Variants in CPSF3 observed in about 807,000 individuals in gnomAD.
CPSF3 encodes the protein cleavage and polyadenylation specificity factor subunit 3.
CPSF3 carries 57 observed loss-of-function variants against 84.1 expected under a neutral mutation model. The ratio of observed to expected loss-of-function variants is 0.68; its 90% confidence interval spans 0.55 to 0.85. CPSF3 has a LOEUF of 0.85. Ranked by LOEUF, CPSF3 falls within the 40% of genes least tolerant of loss-of-function variation. CPSF3 has a pLI of 0.00. For missense variants in CPSF3, 522 were observed against 838.8 expected (o/e 0.62, Z 4.66); for synonymous variants, 275 against 278.1 (o/e 0.99, Z 0.11).
At chr2:9,457,150 T>TGC (rs1265508405) in intron 14 of CPSF3, 123 bp downstream of exon 14, 2 of 228,112 alleles carry the variant, frequency 8.8e-6, no homozygotes, top group Admixed American at 1.4e-4. Context: ...AAAGTATATG[T>TGC]GTGTGTGTGT....
chr2:9,449,205 C>T (rs1681231838), intron 11 of CPSF3, among the ~76,000 whole-genome samples: 1 of 151,632 alleles, frequency 6.6e-6, no homozygotes, highest in Non-Finnish European at 1.5e-5. Flanking sequence ...ATGGTAAAAC[C>T]CCGGCTCTAC....
chr2:9,457,454 T>C (rs1681572099), intron 14 of CPSF3, among the ~76,000 whole-genome samples: 1 of 152,074 alleles, frequency 6.6e-6, no homozygotes, highest in South Asian at 2.1e-4. Flanking sequence ...ATTTTGAAGA[T>C]TCAAATAAAC....
chr2:9,467,487 GA>G (rs1036272443), intron 15 of CPSF3, among the ~76,000 whole-genome samples: 23 of 152,174 alleles, frequency 1.5e-4, no homozygotes, highest in African/African-American at 5.5e-4. Flanking sequence ...AGATGTAATA[GA>G]AAATTTTTTT....
chr2:9,423,787 C>T lies in CPSF3; in HGVS notation c.14C>T (p.Pro5Leu). MSAIPAEESDQLLIR... is the reference protein window; with the variant it reads MSAILAEESDQLLIR... ...CACACTTTCGGGATGTCTGCGATTC[C>T]TGCTGAGGAGAGCGACCAGCTGCTG... The change falls in exon 1 of 18, where the codon CCT becomes CTT. Residue 5 changes from proline to leucine, a missense_variant. This residue lies in a region of CPSF3 where 329 missense variants were observed against 607.2 expected (regional missense o/e 0.54). Transcript: ENST00000238112. The T allele has an allele frequency of 6.2e-7, 1 of 1,613,808 alleles. No homozygotes were observed. Among genetic ancestry groups the T allele is most frequent in the Non-Finnish European group, 8.5e-7 (1 of 1,179,902 alleles).
chr2:9,464,581 T>C (rs1681838797), intron 15 of CPSF3, among the ~76,000 whole-genome samples: 1 of 151,910 alleles, frequency 6.6e-6, no homozygotes, highest in Admixed American at 6.6e-5. Context: ...TTTTAATATT[T>C]TTATTTTTAT....
At chr2:9,438,926 G>T (rs970384255) in intron 7 of CPSF3, among the ~76,000 whole-genome samples, 6 of 152,024 alleles carry the variant, frequency 3.9e-5, no homozygotes, top group Non-Finnish European at 7.4e-5. Flanking sequence ...CTATCATATG[G>T]CTAGAGCCAT....
In CPSF3 at chr2:9,459,565, A is replaced by T; in HGVS notation, c.1733A>T (p.Asp578Val). 6.2e-7 allele frequency: 1 copy of T among 1,610,116 alleles called. No homozygotes were observed. The highest frequency in any genetic ancestry group is 8.5e-7 in the Non-Finnish European group (1 of 1,177,678). Residue 578 changes from aspartate (D) to valine (V), a missense_variant, in exon 15 of 18, where the codon GAT (aspartate) becomes GTT (valine). By Grantham distance (152) the Asp-to-Val change is radical. Transcript: ENST00000238112. ...LANPSNDMYA[D>V]TVTTVILEVQ... is the part of the protein sequence containing the mutation. ...AACCCTTCTAATGATATGTATGCAGATACAGTAACAACTGTGATATTGGAA... is the reference window on the plus strand; with the variant it reads ...AACCCTTCTAATGATATGTATGCAGTTACAGTAACAACTGTGATATTGGAA...
chr2:9,445,044 G>A (rs1293779713), intron 10 of CPSF3, among the ~76,000 whole-genome samples: 1 of 152,088 alleles, frequency 6.6e-6, no homozygotes, highest in African/African-American at 2.4e-5. Context: ...ATTTTTAAGT[G>A]TACAAACCAG....
chr2:9,435,571 C>T (rs992508457), intron 6 of CPSF3, among the ~76,000 whole-genome samples: 36 of 150,222 alleles, frequency 2.4e-4, no homozygotes, highest in African/African-American at 7.4e-4. Context: ...ATAAGGCATG[C>T]GCCACCATGC....
intron 4 of CPSF3, among the ~76,000 whole-genome samples, chr2:9,431,186 A>T (rs1441343037): frequency 6.6e-6 from 1 of 152,130 alleles, no homozygotes; most frequent in East Asian, 1.9e-4. Context: ...CCTCCTGAGC[A>T]GCTGAGACTA....
chr2:9,456,920 GTCTT>G lies in CPSF3; in HGVS notation c.1604-6_1604-3del. 3 of 1,485,406 alleles carry G rather than the reference GTCTT, an allele frequency of 2.0e-6. No homozygotes were observed. Among genetic ancestry groups the G allele is most frequent in the African/African-American group, 1.4e-5 (1 of 71,476 alleles). The allele number at this position is 1,485,406 out of a possible 1,614,324, so 92.0% of individuals were successfully genotyped here. On this transcript the variant is annotated splice_polypyrimidine_tract_variant and intron_variant, in intron 13 of 17. Coordinates refer to ENST00000238112, the MANE Select transcript of CPSF3 (RefSeq NM_016207.4). ...AAAAGTATATACATCTTATAGTTAT[GTCTT>G]TCTTTCAGGTGATGTGGAAGAATTA...
chr2:9,441,724 A>T, intron 8 of CPSF3, 94 bp from the exon 9 acceptor site: 1 of 1,257,252 alleles, frequency 8.0e-7, no homozygotes. Context: ...TGATGTGATT[A>T]ATCTCTTAGC....
At chr2:9,443,395 G>C (rs1681019782) in intron 9 of CPSF3, 120 bp from the exon 10 acceptor site, 9 of 906,486 alleles carry the variant, frequency 9.9e-6, no homozygotes, top group Non-Finnish European at 1.5e-5. Context: ...ATATTAGAAT[G>C]ATTTTGTGCG....
intron 1 of CPSF3, 68 bp from the exon 2 acceptor site, chr2:9,428,697 G>C (rs767583296): frequency 4.6e-6 from 5 of 1,085,000 alleles, no homozygotes; most frequent in Non-Finnish European, 7.0e-6. Context: ...TTGTAAAAAA[G>C]TGTAAGTTTA....
In CPSF3 at chr2:9,430,870, GT is replaced by G; in HGVS notation, c.332del (p.Val111AlafsTer50). ...TTATAGATGGCTTCTTTCTGATTAT[GT>G]CAAAGTTAGGTAAATTACTTTATTA... ...AIYRWLLSDY[V>X]KVSNISADDM... On this transcript the variant is annotated frameshift_variant, in exon 4 of 18. Coordinates refer to ENST00000238112, the MANE Select transcript of CPSF3 (RefSeq NM_016207.4). LOFTEE classifies it high-confidence loss of function. 1 of 1,612,066 alleles carries G rather than the reference GT, an allele frequency of 6.2e-7. No homozygotes were observed.
chr2:9,461,767 TAAA>T (rs1558464017), intron 15 of CPSF3, among the ~76,000 whole-genome samples: 66 of 94,684 alleles, frequency 7.0e-4, no homozygotes, highest in African/African-American at 1.9e-3. Flanking sequence ...TTTTTTTTTT[TAAA>T]TTTATCTAGA....
chr2:9,436,174 A>G, intron 6 of CPSF3, 37 bp from the exon 7 acceptor site: 1 of 1,496,306 alleles, frequency 6.7e-7, no homozygotes, highest in Non-Finnish European at 9.0e-7. Context: ...TTGGAGGATC[A>G]TTGGTCTTAG....
At chr2:9,458,641 G>A (rs1448075630) in intron 14 of CPSF3, among the ~76,000 whole-genome samples, 1 of 151,406 alleles carries the variant, frequency 6.6e-6, no homozygotes, top group Non-Finnish European at 1.5e-5. Flanking sequence ...GACCAGCCTG[G>A]GTAATACAGC....
rs369865920 is a variant in CPSF3 at position 9,466,412 on chromosome 2, A to G, written c.1787-1295A>G. Among the ~76,000 whole-genome samples, 661 of 146,530 alleles carry G rather than the reference A, an allele frequency of 4.5e-3. 5 individuals are homozygous for G. Among genetic ancestry groups the G allele is most frequent in the Middle Eastern group, 0.039 (11 of 284 alleles). ...CACGCGCACACACACGCACGCGCAC[A>G]CACGCACACGCGCACACACGCGCAC... On this transcript the variant is annotated intron_variant, in intron 15 of 17. Coordinates refer to ENST00000238112, the MANE Select transcript of CPSF3 (RefSeq NM_016207.4).
Sources: allele counts gnomAD v4.1 joint callset (sites outside exome capture counted in the v4.1 genomes callset), GRCh38; gene constraint gnomAD v4.1.1; regional missense constraint gnomAD v4.1.1; transcripts MANE v1.5; gene names NCBI Gene and HGNC (gene_info 2026-07-23, HGNC 2026-07-21).